The following RAB43 variants were observed in gnomAD, a reference collection of about 807,000 sequenced individuals.
RAB43 encodes RAB43, member RAS oncogene family, also known as ras-related protein Rab-43.
In RAB43, 6 loss-of-function variants were observed where a neutral mutation model predicts 18.8. That is an observed-to-expected ratio of 0.32 (90% CI 0.17 to 0.63). The LOEUF (loss-of-function observed/expected upper bound fraction) is 0.63, where lower values mean the gene tolerates loss of function less well. Ranked by LOEUF, RAB43 falls within the 30% of genes least tolerant of loss-of-function variation. The pLI, the probability that RAB43 is intolerant of heterozygous loss-of-function variation, is 0.79. For synonymous variants in RAB43, 103 were observed against 124.1 expected (o/e 0.83, Z 1.13); for missense variants, 195 against 289.1 (o/e 0.67, Z 2.36).
chr3:129,103,236 C>T (rs1444894705), intron 1 of RAB43, among the ~76,000 whole-genome samples: 1 of 152,180 alleles, frequency 6.6e-6, no homozygotes, highest in South Asian at 2.1e-4. Flanking sequence ...GCTGTGCCCT[C>T]CTCCTACCCA....
chr3:129,100,340 G>A (rs1217361947), intron 1 of RAB43, among the ~76,000 whole-genome samples: 1 of 152,202 alleles, frequency 6.6e-6, no homozygotes, highest in African/African-American at 2.4e-5. Context: ...GTAGAGAGAA[G>A]CTCCTTGGAA....
chr3:129,093,355 T>C (rs1035174005), intron 2 of RAB43, among the ~76,000 whole-genome samples: 1 of 152,078 alleles, frequency 6.6e-6, no homozygotes, highest in Non-Finnish European at 1.5e-5. Flanking sequence ...CTCACACCTG[T>C]AATCCCAGCA....
intron 1 of RAB43, among the ~76,000 whole-genome samples, chr3:129,110,177 C>G (rs771890203): frequency 7.9e-5 from 12 of 151,958 alleles, no homozygotes; most frequent in Admixed American, 1.3e-4. Context: ...AAAAACAGAT[C>G]CTGGTAGATA....
chr3:129,092,058 TAAAAAA>T (rs1012657876), intron 2 of RAB43, among the ~76,000 whole-genome samples: 1 of 59,618 alleles, frequency 1.7e-5, no homozygotes, highest in Admixed American at 1.8e-4. Flanking sequence ...AACTCCGTCA[TAAAAAA>T]AAAAAAAAAA....
Position 129,093,801 on chromosome 3 carries a change from G to C in RAB43, c.388+1185C>G, listed in dbSNP as rs536985815. Among the ~76,000 whole-genome samples, 6 of 152,260 alleles carry C rather than the reference G, an allele frequency of 3.9e-5. No homozygotes were observed. In the South Asian group the frequency reaches 1.2e-3, roughly 32 times the overall value. On this transcript the variant is annotated intron_variant, in intron 2 of 2. Transcript: ENST00000315150. ...TTTGAGTCAGAAGAATCAACCTGTT[G>C]GCCCAGCTACTCGGGAGGCTGAAGC...
At chr3:129,106,251 T>C (rs186838565) in intron 1 of RAB43, among the ~76,000 whole-genome samples, 18 of 152,210 alleles carry the variant, frequency 1.2e-4, no homozygotes, top group Non-Finnish European at 2.2e-4. Flanking sequence ...CAGTGGAAAG[T>C]TCCTTGCTTC....
intron 1 of RAB43, among the ~76,000 whole-genome samples, chr3:129,118,563 A>C (rs1935698771): frequency 6.6e-6 from 1 of 152,124 alleles, no homozygotes; most frequent in South Asian, 2.1e-4. Context: ...ATCCATCTCT[A>C]AGCTTCCTGA....
At position 129,105,929 on chromosome 3, in the gene RAB43, A is replaced by T. The variant is rs539221665; in HGVS notation, c.205-10760T>A. 2.0e-5 allele frequency among the ~76,000 whole-genome samples: 3 copies of T among 152,248 alleles called. No homozygotes were observed. In the East Asian group the frequency reaches 5.8e-4, roughly 29 times the overall value. ...TCCCTGAGGAGAAAGACCCTGTCTT[A>T]TTCCTCTTGGCACCATCAATACTTG... On this transcript the variant is annotated intron_variant, in intron 1 of 2. Coordinates refer to ENST00000315150, the MANE Select transcript of RAB43 (RefSeq NM_198490.3).
intron 2 of RAB43, among the ~76,000 whole-genome samples, chr3:129,094,347 C>T (rs568191320): frequency 6.6e-6 from 1 of 152,128 alleles, no homozygotes; most frequent in East Asian, 1.9e-4. Context: ...CATGTGGACC[C>T]GGATAAATCA....
intron 1 of RAB43, among the ~76,000 whole-genome samples, chr3:129,106,873 A>G (rs1185937188): frequency 3.3e-5 from 5 of 152,200 alleles, no homozygotes; most frequent in Admixed American, 3.3e-4. Flanking sequence ...GTGGCGATGC[A>G]GAGTGAAGAA....
intron 1 of RAB43, among the ~76,000 whole-genome samples, chr3:129,099,202 C>T (rs1438011622): frequency 6.6e-6 from 1 of 151,314 alleles, no homozygotes; most frequent in Non-Finnish European, 1.5e-5. Flanking sequence ...TGCCATTCTC[C>T]TGCCTCAGTC....
chr3:129,121,082 C>A (rs1242438985), intron 1 of RAB43, among the ~76,000 whole-genome samples: 3 of 43,342 alleles, frequency 6.9e-5, no homozygotes, highest in Admixed American at 2.3e-4. Flanking sequence ...CCCCCCCCCC[C>A]AGCAACCCAC....
chr3:129,103,828 G>T (rs1240784094), intron 1 of RAB43, among the ~76,000 whole-genome samples: 1 of 152,208 alleles, frequency 6.6e-6, no homozygotes, highest in East Asian at 1.9e-4. Flanking sequence ...GCCTCCCAAA[G>T]TGCTGGGATT....
intron 1 of RAB43, among the ~76,000 whole-genome samples, chr3:129,113,178 T>C (rs1935284741): frequency 4.0e-5 from 6 of 150,858 alleles, no homozygotes; most frequent in Admixed American, 4.0e-4. Flanking sequence ...TTATTTTTTT[T>C]TTTTCGAGAT....
intron 1 of RAB43, among the ~76,000 whole-genome samples, chr3:129,119,120 G>A (rs143605797): frequency 2.0e-3 from 310 of 152,302 alleles, no homozygotes; most frequent in Non-Finnish European, 2.8e-3. Context: ...AAGGTTTACC[G>A]TGTGTAAATT....
intron 1 of RAB43, among the ~76,000 whole-genome samples, chr3:129,118,263 A>C (rs1439653823): frequency 6.6e-6 from 1 of 152,178 alleles, no homozygotes; most frequent in African/African-American, 2.4e-5. Flanking sequence ...CTCCTTCCAG[A>C]GGTCCATCTC....
At chr3:129,106,494 C>A (rs1934791309) in intron 1 of RAB43, among the ~76,000 whole-genome samples, 1 of 152,184 alleles carries the variant, frequency 6.6e-6, no homozygotes, top group Non-Finnish European at 1.5e-5. Context: ...CACAAGCAGG[C>A]CACAGGCCAG....
chr3:129,110,399 T>C (rs1417342094), intron 1 of RAB43, among the ~76,000 whole-genome samples: 1 of 152,176 alleles, frequency 6.6e-6, no homozygotes, highest in Non-Finnish European at 1.5e-5. Flanking sequence ...AGTGCTTTGA[T>C]ACCTAAGACA....
intron 2 of RAB43, among the ~76,000 whole-genome samples, chr3:129,093,252 G>A (rs757200213): frequency 7.2e-5 from 11 of 151,848 alleles, no homozygotes; most frequent in Non-Finnish European, 1.0e-4. Context: ...CAGCCTCTCA[G>A]TGTTAGGATT....
Sources: gnomAD v4.1 joint callset for allele counts (sites outside exome capture counted in the v4.1 genomes callset) on GRCh38, gnomAD v4.1.1 for gene constraint, MANE v1.5 for transcripts, NCBI Gene and HGNC (gene_info 2026-07-23, HGNC 2026-07-21) for gene names.